The following OPA1 variants were observed in gnomAD, a reference collection of about 807,000 sequenced individuals.
OPA1 encodes OPA1 mitochondrial dynamin like GTPase.
OPA1 carries 59 observed loss-of-function variants against 152.9 expected under a neutral mutation model. The observed-to-expected ratio is 0.39, with a 90% CI of 0.31 to 0.48. OPA1 has a LOEUF of 0.48. OPA1 is among the 20% of genes least tolerant of loss of function. OPA1 has a pLI of 0.96. For missense variants in OPA1, 1,008 were observed against 1,216.8 expected (o/e 0.83, Z 2.55); for synonymous variants, 400 against 389.9 (o/e 1.03, Z -0.31).
chr3:193,658,030 G>C (rs1714282226), intron 23 of OPA1, among the ~76,000 whole-genome samples: 1 of 152,148 alleles, frequency 6.6e-6, no homozygotes, highest in African/African-American at 2.4e-5. Flanking sequence ...TGGATCACCT[G>C]AGGTCCGGAG....
At chr3:193,692,648 T>G (rs1488204546) in intron 30 of OPA1, among the ~76,000 whole-genome samples, 1 of 152,256 alleles carries the variant, frequency 6.6e-6, no homozygotes, top group Non-Finnish European at 1.5e-5. Flanking sequence ...GAATTTACTT[T>G]CTTGTCTGAT....
chr3:193,637,099 C>G, intron 9 of OPA1, 96 bp from the exon 10 acceptor site: 1 of 656,810 alleles, frequency 1.5e-6, no homozygotes, highest in Non-Finnish European at 2.6e-6. Context: ...TATGGAAAAA[C>G]AATTTGAATT....
chr3:193,611,524 G>A (rs372321689), intron 1 of OPA1, among the ~76,000 whole-genome samples: 38 of 151,096 alleles, frequency 2.5e-4, no homozygotes, highest in African/African-American at 9.0e-4. Context: ...TTGAACCTGG[G>A]AGGCAGAGGT....
At chr3:193,645,481 A>G (rs1734429979) in intron 16 of OPA1, 72 bp from the exon 17 acceptor site, 8 of 1,163,894 alleles carry the variant, frequency 6.9e-6, no homozygotes, top group South Asian at 4.0e-5. Flanking sequence ...TTTGCTTTCT[A>G]AATTGTATAT....
intron 30 of OPA1, among the ~76,000 whole-genome samples, chr3:193,693,181 A>G (rs1297934407): frequency 6.6e-6 from 1 of 152,148 alleles, no homozygotes; most frequent in Non-Finnish European, 1.5e-5. Context: ...AAACCAAACT[A>G]CCTACTTTCC....
intron 6 of OPA1, among the ~76,000 whole-genome samples, chr3:193,625,769 A>G (rs1246695177): frequency 4.6e-5 from 7 of 151,864 alleles, no homozygotes; most frequent in Non-Finnish European, 1.0e-4. Context: ...AGTAAGATCA[A>G]CACTGTTAAA....
intron 1 of OPA1, among the ~76,000 whole-genome samples, chr3:193,612,522 A>C (rs1050420455): frequency 6.6e-6 from 1 of 152,166 alleles, no homozygotes; most frequent in Admixed American, 6.5e-5. Context: ...CGTATCCATG[A>C]GACAATACAT....
Position 193,619,087 on chromosome 3 carries a change from C to A in OPA1, c.678+151C>A, listed in dbSNP as rs563402416. Reference sequence around the variant, plus strand: ...TCGTTACTAATCTTAGTGCAAAGTACAAGGTATTACGTGGCAGTTCTGGAA... The same window carrying A: ...TCGTTACTAATCTTAGTGCAAAGTAAAAGGTATTACGTGGCAGTTCTGGAA... On this transcript the variant is annotated intron_variant, in intron 6 of 30. Transcript: ENST00000361510. 63 of 678,974 alleles carry A rather than the reference C, an allele frequency of 9.3e-5. No individual in the cohort carries two copies. In the South Asian group the frequency reaches 1.0e-3, roughly 11 times the overall value. The allele number at this position is 678,974 out of a possible 1,614,324, so 42.1% of individuals were successfully genotyped here.
intron 8 of OPA1, among the ~76,000 whole-genome samples, chr3:193,635,121 ACTT>A (rs1732740352): frequency 6.6e-6 from 1 of 152,226 alleles, no homozygotes; most frequent in Non-Finnish European, 1.5e-5. Flanking sequence ...TTTAAGAACT[ACTT>A]CTTTAAATTC....
chr3:193,601,512 G>A (rs1299096172), intron 1 of OPA1, among the ~76,000 whole-genome samples: 1 of 152,182 alleles, frequency 6.6e-6, no homozygotes, highest in Non-Finnish European at 1.5e-5. Context: ...GATCATTCAG[G>A]TTTGTTCGAC....
intron 29 of OPA1, among the ~76,000 whole-genome samples, chr3:193,690,671 C>T (rs1027698738): frequency 1.3e-5 from 2 of 151,966 alleles, no homozygotes; most frequent in South Asian, 2.1e-4. Context: ...ATAGCTGCCT[C>T]GCTGGTAAAA....
intron 29 of OPA1, among the ~76,000 whole-genome samples, chr3:193,682,401 T>A (rs758737152): frequency 1.6e-4 from 25 of 152,188 alleles, no homozygotes; most frequent in Non-Finnish European, 3.1e-4. Flanking sequence ...CAAGAATATC[T>A]AACTAAGATA....
rs186233295 is a variant in OPA1 at position 193,628,238 on chromosome 3, C to G, written c.789+2036C>G. 4.6e-5 allele frequency among the ~76,000 whole-genome samples: 7 copies of G among 152,050 alleles called. No homozygotes were observed. The East Asian group carries it at 1.2e-3, about 25-fold the overall frequency. ...CTTCTTGAAAGTCTAAGTAGATCAT[C>G]ATTTTTGATGTCTTATTAGTAGCAA... On this transcript the variant is annotated intron_variant, in intron 7 of 30. Coordinates refer to ENST00000361510, the MANE Select transcript of OPA1 (RefSeq NM_130837.3).
intron 29 of OPA1, among the ~76,000 whole-genome samples, chr3:193,674,963 C>T (rs190523939): frequency 2.0e-5 from 3 of 152,274 alleles, no homozygotes; most frequent in Non-Finnish European, 2.9e-5. Context: ...CCCCGATTAC[C>T]GTGTACCCGC....
At chr3:193,627,470 A>T (rs1364387375) in intron 7 of OPA1, 1 of 152,218 alleles carries the variant, frequency 6.6e-6, no homozygotes, top group Non-Finnish European at 1.5e-5. Flanking sequence ...ATAGCCTAAT[A>T]AATTGGATGC....
At chr3:193,651,385 G>A (rs1316019297) in intron 21 of OPA1, among the ~76,000 whole-genome samples, 1 of 152,140 alleles carries the variant, frequency 6.6e-6, no homozygotes, top group Non-Finnish European at 1.5e-5. Context: ...TACTTGAGAG[G>A]TTACCTAAAA....
intron 11 of OPA1, among the ~76,000 whole-genome samples, chr3:193,641,517 T>C (rs1733782286): frequency 6.6e-6 from 1 of 152,168 alleles, no homozygotes; most frequent in East Asian, 1.9e-4. Context: ...TTGTGGCACC[T>C]TAAGACGTGA....
chr3:193,604,139 A>G (rs1215055637), intron 1 of OPA1, among the ~76,000 whole-genome samples: 1 of 152,232 alleles, frequency 6.6e-6, no homozygotes, highest in Non-Finnish European at 1.5e-5. Flanking sequence ...TACTGCTTTT[A>G]AACAATTAGG....
intron 6 of OPA1, among the ~76,000 whole-genome samples, chr3:193,625,128 G>A (rs1055548177): frequency 2.6e-5 from 4 of 151,778 alleles, no homozygotes; most frequent in African/African-American, 4.8e-5. Flanking sequence ...TTTTGAGGTC[G>A]ATTATCTAAG....
Sources: allele counts gnomAD v4.1 joint callset (sites outside exome capture counted in the v4.1 genomes callset), GRCh38; gene constraint gnomAD v4.1.1; transcripts MANE v1.5; gene names NCBI Gene and HGNC (gene_info 2026-07-23, HGNC 2026-07-21).